The following SLC22A23 variants were observed in gnomAD, a reference collection of about 807,000 sequenced individuals.
SLC22A23 encodes ion transporter protein.
Under a neutral mutation model 61.0 loss-of-function variants are expected in SLC22A23, and 26 were observed. The observed-to-expected ratio is 0.43, with a 90% confidence interval of 0.31 to 0.59. SLC22A23 has a LOEUF of 0.59. Ranked by LOEUF, SLC22A23 falls within the 20% of genes least tolerant of loss-of-function variation. The pLI is 0.11. For synonymous variants in SLC22A23, 430 were observed against 413.9 expected, an observed-to-expected ratio of 1.04 and a Z score of -0.47; for missense variants, 796 against 934.7, an observed-to-expected ratio of 0.85 and a Z score of 1.94.
Position 3,285,114 on chromosome 6 carries a change from G to A in SLC22A23, c.1547-3C>T. 1.2e-6 allele frequency: 2 copies of A among 1,613,418 alleles called. No individual in the cohort carries two copies. The highest frequency in any genetic ancestry group is 1.7e-6 in the Non-Finnish European group (2 of 1,179,676). The stretch of plus-strand genomic sequence containing the variant: ...GTGCTGGCTGTACTTTCCAATCACT[G>A]GACCCGCAGACATGATCGCACCCAC... On this transcript the variant is annotated splice_region_variant and splice_polypyrimidine_tract_variant and intron_variant, in intron 7 of 9. Transcript: ENST00000406686.
Position 3,318,114 on chromosome 6 carries a change from C to T in SLC22A23, c.1082+5720G>A, listed in dbSNP as rs926285007. 2.0e-5 allele frequency among the ~76,000 whole-genome samples: 3 copies of T among 152,168 alleles called. No individual in the cohort carries two copies. Among genetic ancestry groups the T allele is most frequent in the Admixed American group, 1.3e-4 (2 of 15,270 alleles). ...GCTGCTGCCACCTTTTCCTGGCCAG[C>T]GTCTCCACCCTGGGGGTCACTTCAT... On this transcript the variant is annotated intron_variant, in intron 4 of 9. Coordinates refer to ENST00000406686, the MANE Select transcript of SLC22A23 (RefSeq NM_015482.2). This position sits in a 1 kb window ranked among gnomAD's most constrained non-coding sequence, Gnocchi z 4.3.
intron 1 of SLC22A23, among the ~76,000 whole-genome samples, chr6:3,439,691 G>T (rs993386599): frequency 6.6e-6 from 1 of 152,054 alleles, no homozygotes; most frequent in Non-Finnish European, 1.5e-5. Flanking sequence ...AAACCCTTTC[G>T]CCACCTCCTT....
rs2127536091 is a variant in SLC22A23, at chr6:3,427,171, G to A, written c.655-11316C>T. 6.6e-6 allele frequency among the ~76,000 whole-genome samples: 1 copy of A among 152,300 alleles called. No homozygotes were observed. The highest frequency in any genetic ancestry group is 1.9e-4 in the East Asian group (1 of 5,174). On this transcript the variant is annotated intron_variant, in intron 1 of 9. Coordinates refer to ENST00000406686, the MANE Select transcript of SLC22A23 (RefSeq NM_015482.2). This position sits in a 1 kb window ranked among gnomAD's most constrained non-coding sequence, Gnocchi z 4.3. ...GTGGGGGCTCAGTTTTAACATCTAT[G>A]ACGTAGGAGTCGCAAAACCTTCACC...
At chr6:3,391,982 T>C (rs919967922) in intron 3 of SLC22A23, among the ~76,000 whole-genome samples, 9 of 152,140 alleles carry the variant, frequency 5.9e-5, no homozygotes, top group African/African-American at 2.2e-4. Context: ...GGCCAAACCA[T>C]GCAAGATAGC....
chr6:3,341,401 CTT>C (rs1292240119), intron 3 of SLC22A23, among the ~76,000 whole-genome samples: 1 of 152,150 alleles, frequency 6.6e-6, no homozygotes, highest in Non-Finnish European at 1.5e-5. Context: ...ACACCTGAAA[CTT>C]TTTAGAATGG....
chr6:3,316,171 T>G (rs540133342), intron 4 of SLC22A23, among the ~76,000 whole-genome samples: 13 of 152,318 alleles, frequency 8.5e-5, no homozygotes, highest in Admixed American at 2.6e-4. Context: ...CCACTGACAT[T>G]TGAAAACCTG....
At chr6:3,406,346 T>C (rs1421209426) in intron 3 of SLC22A23, among the ~76,000 whole-genome samples, 2 of 152,254 alleles carry the variant, frequency 1.3e-5, no homozygotes, top group Non-Finnish European at 2.9e-5. Flanking sequence ...TGTGATATTA[T>C]GGATCCTGGT....
rs184720075 is a variant in SLC22A23, at chr6:3,386,597, C to T, written c.913+23591G>A. Among the ~76,000 whole-genome samples the T allele has an allele frequency of 2.6e-5, 4 of 152,352 alleles. No individual in the cohort carries two copies. The highest frequency in any genetic ancestry group is 1.9e-4 in the East Asian group (1 of 5,182). On this transcript the variant is annotated intron_variant, in intron 3 of 9. Coordinates refer to ENST00000406686, the MANE Select transcript of SLC22A23 (RefSeq NM_015482.2). The surrounding 1 kb of genome is among the most constrained non-coding windows in gnomAD (Gnocchi z 4.4). ...TGGAGGCTGCTTGCTCCTCAGTAGC[C>T]GTGCCAAGCGTGGCTGGGGACAGCC...
chr6:3,439,039 C>T (rs764395866), intron 1 of SLC22A23, among the ~76,000 whole-genome samples: 3 of 147,788 alleles, frequency 2.0e-5, no homozygotes, highest in Non-Finnish European at 2.9e-5. Flanking sequence ...TAGTCTAGAC[C>T]GGGGTTTCTC....
Position 3,330,553 on chromosome 6 carries a change from T to A in SLC22A23, c.914-6551A>T, listed in dbSNP as rs1763528180. 6.6e-6 allele frequency among the ~76,000 whole-genome samples: 1 copy of A among 152,206 alleles called. No individual in the cohort carries two copies. Among genetic ancestry groups the A allele is most frequent in the African/African-American group, 2.4e-5 (1 of 41,454 alleles). ...TGGAAGTGAACACACCACTCAATAA[T>A]TACTGCCACAGGCAAGGACGCATGG... On this transcript the variant is annotated intron_variant, in intron 3 of 9. Coordinates refer to ENST00000406686, the MANE Select transcript of SLC22A23 (RefSeq NM_015482.2). The surrounding 1 kb of genome is among the most constrained non-coding windows in gnomAD (Gnocchi z 4.7).
chr6:3,432,290 C>A, intron 1 of SLC22A23: 2 of 985,448 alleles, frequency 2.0e-6, no homozygotes, highest in Non-Finnish European at 1.2e-6. Context: ...GCTCCTTCCA[C>A]AATCACTCAG....
chr6:3,363,280 G>T (rs937895464), intron 3 of SLC22A23, among the ~76,000 whole-genome samples: 14 of 152,342 alleles, frequency 9.2e-5, no homozygotes, highest in African/African-American at 3.1e-4. Context: ...AGCAATGGGT[G>T]AGCTCCGGCA....
intron 2 of SLC22A23, among the ~76,000 whole-genome samples, chr6:3,413,210 C>T (rs570262482): frequency 3.2e-4 from 48 of 152,288 alleles, no homozygotes; most frequent in South Asian, 1.2e-3. Context: ...TTGCGGCTCT[C>T]GACAGCAGGG....
intron 1 of SLC22A23, among the ~76,000 whole-genome samples, chr6:3,449,476 T>A (rs760813984): frequency 2.6e-5 from 4 of 152,174 alleles, no homozygotes; most frequent in Non-Finnish European, 4.4e-5. Flanking sequence ...AAATAATGCT[T>A]CTCACAGCAT....
At chr6:3,397,626 G>A (rs982693102) in intron 3 of SLC22A23, among the ~76,000 whole-genome samples, 3 of 152,160 alleles carry the variant, frequency 2.0e-5, no homozygotes, top group Admixed American at 1.3e-4. Context: ...TCTGAACTTA[G>A]AAAATGCTGA....
chr6:3,384,472 T>A (rs1767156201), intron 3 of SLC22A23, among the ~76,000 whole-genome samples: 1 of 152,164 alleles, frequency 6.6e-6, no homozygotes, highest in African/African-American at 2.4e-5. Context: ...GTGGCAAGAA[T>A]AAACATGGAG....
chr6:3,397,020 C>T (rs371556124), intron 3 of SLC22A23, among the ~76,000 whole-genome samples: 8 of 152,148 alleles, frequency 5.3e-5, no homozygotes, highest in Non-Finnish European at 2.9e-5. Context: ...GCACGCCCAC[C>T]GGGGCTTCAG....
Position 3,329,099 on chromosome 6 carries a change from C to A in SLC22A23, c.914-5097G>T, listed in dbSNP as rs77448197. On this transcript the variant is annotated intron_variant, in intron 3 of 9. Coordinates refer to ENST00000406686, the MANE Select transcript of SLC22A23 (RefSeq NM_015482.2). The surrounding 1 kb of genome is among the most constrained non-coding windows in gnomAD (Gnocchi z 4.8). ...GAGCAGGGCTTGGCCCCAGCTCCAG[C>A]GGCTAAGGCATCTGCCCACCAGAAA... Among the ~76,000 whole-genome samples the A allele has an allele frequency of 7.6e-3, 1,155 of 152,256 alleles. 16 individuals carry two copies. Among genetic ancestry groups the A allele is most frequent in the African/African-American group, 0.026 (1,080 of 41,510 alleles).
At chr6:3,412,180 C>T (rs1769308538) in intron 2 of SLC22A23, among the ~76,000 whole-genome samples, 1 of 152,188 alleles carries the variant, frequency 6.6e-6, no homozygotes, top group Non-Finnish European at 1.5e-5. Flanking sequence ...ATGGTTTGCT[C>T]TGTTCTGATA....
Sources: gnomAD v4.1 joint callset for allele counts (sites outside exome capture counted in the v4.1 genomes callset) on GRCh38, gnomAD v4.1.1 for gene constraint, Gnocchi (gnomAD v3.1) non-coding constraint, MANE v1.5 for transcripts, NCBI Gene and HGNC (gene_info 2026-07-23, HGNC 2026-07-21) for gene names.